The following ZNF514 variants were observed in gnomAD, a reference collection of about 807,000 sequenced individuals.
ZNF514 encodes the protein zinc finger protein 514.
ZNF514 carries 12 observed loss-of-function variants against 9.7 expected under a neutral mutation model. The ratio of observed to expected loss-of-function variants is 1.24; its 90% CI spans 0.79 to 2.01. The LOEUF is 2.01. Ranked by LOEUF, ZNF514 falls within the 30% of genes most tolerant of loss-of-function variation. The pLI, the probability that ZNF514 is intolerant of heterozygous loss-of-function variation, is 0.00. For missense variants in ZNF514, 467 were observed against 465.5 expected (o/e 1.00, Z -0.03); for synonymous variants, 158 against 163.7 (o/e 0.97, Z 0.27).
Position 95,146,551 on chromosome 2 carries a change from T to C in ZNF514, c.*2731A>G, listed in dbSNP as rs1673364694. Reference sequence around the variant, plus strand: ...ATGACAAGAGAGCATTTGTGTGCAATGGAGGCTTCTGTCAGGAGCAGCAGG... The same window carrying C: ...ATGACAAGAGAGCATTTGTGTGCAACGGAGGCTTCTGTCAGGAGCAGCAGG... On this transcript the variant is annotated 3_prime_UTR_variant, in exon 5 of 5. Transcript: ENST00000295208. Among the ~76,000 whole-genome samples, 2 of 151,058 alleles carry C rather than the reference T, an allele frequency of 1.3e-5. No individual in the cohort carries two copies. The highest frequency in any genetic ancestry group is 2.9e-5 in the Non-Finnish European group (2 of 67,802).
chr2:95,150,404 T>C, intron 4 of ZNF514, 137 bp from the exon 5 acceptor site: 1 of 961,850 alleles, frequency 1.0e-6, no homozygotes, highest in South Asian at 2.0e-5. Context: ...ACAGATTTTT[T>C]CAATAATGGC....
chr2:95,149,110 C>G lies in ZNF514; in HGVS notation c.*172G>C, dbSNP rs1673443697. The G allele has an allele frequency of 1.3e-6, 1 of 784,354 alleles. No homozygotes were observed. Among genetic ancestry groups the G allele is most frequent in the Admixed American group, 3.2e-5 (1 of 31,380 alleles). The allele number at this position is 784,354 out of a possible 1,614,324, so 48.6% of individuals were successfully genotyped here. Reference sequence around the variant, plus strand: ...CCCATGTTTGGTAAGAGAGGGGAAGCCCACCCCCTCTTGACATTGACAGGG... The same window carrying G: ...CCCATGTTTGGTAAGAGAGGGGAAGGCCACCCCCTCTTGACATTGACAGGG... On this transcript the variant is annotated 3_prime_UTR_variant, in exon 5 of 5. Coordinates refer to ENST00000295208, the MANE Select transcript of ZNF514 (RefSeq NM_032788.3).
chr2:95,144,995 C>T (rs1673323792), downstream of ZNF514, among the ~76,000 whole-genome samples: 1 of 152,084 alleles, frequency 6.6e-6, no homozygotes, highest in African/African-American at 2.4e-5. Flanking sequence ...CTACAGTAAG[C>T]AATATTACAT....
chr2:95,152,469 C>A (rs1673569855), intron 4 of ZNF514, among the ~76,000 whole-genome samples: 1 of 152,124 alleles, frequency 6.6e-6, no homozygotes, highest in South Asian at 2.1e-4. Context: ...AGATGGGAAC[C>A]AAACAAAGCA....
At chr2:95,143,425 A>C (rs1185756182), downstream of ZNF514, among the ~76,000 whole-genome samples, 2 of 152,132 alleles carry the variant, frequency 1.3e-5, no homozygotes, top group Admixed American at 6.5e-5. Flanking sequence ...GTTCAAGACC[A>C]GCCTGACCAA....
At chr2:95,153,442 G>C in intron 2 of ZNF514, 183 bp from the exon 3 acceptor site, 1 of 466,088 alleles carries the variant, frequency 2.1e-6, no homozygotes. Flanking sequence ...CATTTAATTG[G>C]AATCAATTAG....
At position 95,159,280 on chromosome 2, in the gene ZNF514, AGCT is replaced by A; in HGVS notation, c.-139_-137del. ...TCCTCAGGACCAGGCTCTGGAACCC[AGCT>A]CCCACGTGGATCCACACGCACAGTG... is the stretch of plus-strand genomic sequence containing the variant. On this transcript the variant is annotated 5_prime_UTR_variant, in exon 1 of 5. Coordinates refer to ENST00000295208, the MANE Select transcript of ZNF514 (RefSeq NM_032788.3). 4.7e-4 allele frequency: 76 copies of A among 161,078 alleles called. No homozygotes were observed. Among genetic ancestry groups the A allele is most frequent in the South Asian group, 1.5e-3 (10 of 6,724 alleles). 10.0% of individuals were successfully genotyped at this position (161,078 alleles called of 1,614,324 possible).
intron 2 of ZNF514, chr2:95,153,596 C>T (rs1192394593): frequency 5.1e-5 from 9 of 176,012 alleles, no homozygotes; most frequent in Non-Finnish European, 1.1e-4. Flanking sequence ...AATTTATCCT[C>T]CACCTGCCTG....
chr2:95,154,271 T>G (rs1462104090), intron 2 of ZNF514: 1 of 152,282 alleles, frequency 6.6e-6, no homozygotes, highest in Non-Finnish European at 1.5e-5. Context: ...AGTGAAGATG[T>G]GGGCAAAGCC....
At chr2:95,144,039 T>C (rs188117156), downstream of ZNF514, among the ~76,000 whole-genome samples, 497 of 152,306 alleles carry the variant, frequency 3.3e-3, 2 homozygotes, top group Non-Finnish European at 3.2e-3. Context: ...CCTCTGTCAA[T>C]TAATCTTTAC....
At chr2:95,123,508 G>A in the ZNF514 span, among the ~76,000 whole-genome samples, 1 of 152,230 alleles carries the variant, frequency 6.6e-6, no homozygotes, top group African/African-American at 2.4e-5. Flanking sequence ...TTGCAGTACT[G>A]CAGCTGTCCA....
At chr2:95,153,299 T>C (rs773661068) in intron 2 of ZNF514, 40 bp from the exon 3 acceptor site, 2 of 1,584,950 alleles carry the variant, frequency 1.3e-6, no homozygotes, top group African/African-American at 2.7e-5. Context: ...CTTATATGCT[T>C]ATCAATATGA....
Position 95,152,665 on chromosome 2 carries a change from C to A in ZNF514, c.217+9G>T, listed in dbSNP as rs769253435. The A allele has an allele frequency of 6.2e-7, 1 of 1,613,252 alleles. No individual in the cohort carries two copies. Among genetic ancestry groups the A allele is most frequent in the South Asian group, 1.1e-5 (1 of 91,058 alleles). On this transcript the variant is annotated intron_variant, in intron 4 of 4. Coordinates refer to ENST00000295208, the MANE Select transcript of ZNF514 (RefSeq NM_032788.3). ...TTATCATATGCAATGCTTTCACTCA[C>A]TCACTCACCTGAGTGGGCTCCTGTT... is the stretch of plus-strand genomic sequence containing the variant.
the ZNF514 span, among the ~76,000 whole-genome samples, chr2:95,126,387 A>AG: frequency 2.0e-5 from 3 of 148,060 alleles, no homozygotes; most frequent in African/African-American, 7.5e-5. Flanking sequence ...AAAAAAAAAA[A>AG]AAAAAAAAGA....
chr2:95,125,781 G>A, the ZNF514 span, among the ~76,000 whole-genome samples: 1 of 152,172 alleles, frequency 6.6e-6, no homozygotes, highest in African/African-American at 2.4e-5. Context: ...TATAGCGTGT[G>A]CCAGAATGTC....
the ZNF514 span, among the ~76,000 whole-genome samples, chr2:95,132,776 G>A: frequency 6.6e-6 from 1 of 151,238 alleles, no homozygotes; most frequent in African/African-American, 2.4e-5. Flanking sequence ...GCTGAAGCAG[G>A]AGACTCGCTT....
At chr2:95,150,300 T>G (rs1673502695) in intron 4 of ZNF514, 33 bp from the exon 5 acceptor site, 3 of 1,481,940 alleles carry the variant, frequency 2.0e-6, no homozygotes, top group Non-Finnish European at 2.7e-6. Flanking sequence ...AAGAAGACAT[T>G]CTAGTATGTA....
chr2:95,152,803 G>A lies in ZNF514; in HGVS notation c.122-34C>T, dbSNP rs764716279. 7.2e-5 allele frequency: 113 copies of A among 1,575,164 alleles called. 1 individual carries two copies. The highest frequency in any genetic ancestry group is 6.0e-5 in the Non-Finnish European group (69 of 1,145,162). On this transcript the variant is annotated intron_variant, in intron 3 of 4. Coordinates refer to ENST00000295208, the MANE Select transcript of ZNF514 (RefSeq NM_032788.3). ...AGAGAAGGAAAAGGATTTTGGTTGT[G>A]TGTGCCAGTGGCCAAGTCTTTGGAT...
At chr2:95,135,225 G>A in the ZNF514 span, among the ~76,000 whole-genome samples, 3 of 152,018 alleles carry the variant, frequency 2.0e-5, no homozygotes, top group Non-Finnish European at 4.4e-5. Flanking sequence ...ATCCATGAAC[G>A]TGAGATGTTT....
Sources: allele counts gnomAD v4.1 joint callset (sites outside exome capture counted in the v4.1 genomes callset), GRCh38; gene constraint gnomAD v4.1.1; transcripts MANE v1.5; gene names NCBI Gene and HGNC (gene_info 2026-07-23, HGNC 2026-07-21).